Variants in WDR25 observed in about 807,000 individuals in gnomAD.
The protein encoded by WDR25 is WD repeat-containing protein 25.
WDR25 carries 35 observed loss-of-function variants against 47.7 expected under a neutral mutation model. The observed-to-expected ratio is 0.73, with a 90% confidence interval of 0.56 to 0.97. The LOEUF (loss-of-function observed/expected upper bound fraction) is 0.97. WDR25 is among the 50% of genes least tolerant of loss of function. The pLI is 0.00. For missense variants in WDR25, 634 were observed against 704.7 expected (o/e 0.90, Z 1.14); for synonymous variants, 248 against 278.9 (o/e 0.89, Z 1.10).
chr14:100,501,843 A>G (rs73351025), intron 4 of WDR25, among the ~76,000 whole-genome samples: 20,818 of 152,146 alleles, frequency 0.14, 4,526 homozygotes, highest in African/African-American at 0.46. Flanking sequence ...GGGCTCACAA[A>G]GGCCATTTGG....
At chr14:100,412,822 G>A (rs1396759197) in intron 2 of WDR25, among the ~76,000 whole-genome samples, 1 of 152,194 alleles carries the variant, frequency 6.6e-6, no homozygotes, top group African/African-American at 2.4e-5. Context: ...ATGGAAAGCT[G>A]CTGAATGGTT....
chr14:100,516,217 T>C (rs1901492127), intron 4 of WDR25, among the ~76,000 whole-genome samples: 1 of 152,216 alleles, frequency 6.6e-6, no homozygotes, highest in Admixed American at 6.5e-5. Flanking sequence ...AAACAGCCTT[T>C]AGACTAGGGC....
intron 3 of WDR25, among the ~76,000 whole-genome samples, chr14:100,482,036 A>C (rs964522331): frequency 1.3e-5 from 2 of 152,162 alleles, no homozygotes; most frequent in African/African-American, 4.8e-5. Flanking sequence ...TACAAATTGA[A>C]ATGTCTGCAC....
intron 4 of WDR25, among the ~76,000 whole-genome samples, chr14:100,501,309 C>A (rs1461096707): frequency 6.6e-6 from 1 of 152,112 alleles, no homozygotes; most frequent in African/African-American, 2.4e-5. Context: ...AATAAATGCT[C>A]CTGGCCATCT....
Position 100,468,194 on chromosome 14 carries a change from A to G in WDR25, c.970+26A>G. ...GTGCGTTTCTTGTGTCACCTCCCTG[A>G]GGTGAGCTGGCAGCTCTCTCCCTGG... On this transcript the variant is annotated intron_variant, in intron 3 of 6. Coordinates refer to ENST00000402312, the MANE Select transcript of WDR25 (RefSeq NM_001161476.3). The surrounding 1 kb of genome is among the most constrained non-coding windows in gnomAD (Gnocchi z 4.5). 6.3e-7 allele frequency: 1 copy of G among 1,599,506 alleles called. No individual in the cohort carries two copies. The highest frequency in any genetic ancestry group is 8.5e-7 in the Non-Finnish European group (1 of 1,171,752).
At chr14:100,459,628 A>G (rs907505202) in intron 2 of WDR25, among the ~76,000 whole-genome samples, 7 of 151,848 alleles carry the variant, frequency 4.6e-5, no homozygotes, top group African/African-American at 1.7e-4. Context: ...ATGCATATCT[A>G]TCTCCGAATC....
Position 100,428,705 on chromosome 14 carries a change from T to G in WDR25, c.823-39316T>G, listed in dbSNP as rs78530026. 1.5e-3 allele frequency among the ~76,000 whole-genome samples: 230 copies of G among 152,354 alleles called. 3 individuals carry two copies. The East Asian group carries it at 0.037, about 25-fold the overall frequency. ...CCTGTGAGGAGCCATTTCACTTCTTTCTTCAAGTGGATGTATTTTTGAACA... is the reference window on the plus strand; with the variant it reads ...CCTGTGAGGAGCCATTTCACTTCTTGCTTCAAGTGGATGTATTTTTGAACA... On this transcript the variant is annotated intron_variant, in intron 2 of 6. Transcript: ENST00000402312. The surrounding 1 kb of genome is among the most constrained non-coding windows in gnomAD (Gnocchi z 4.3).
At chr14:100,482,364 G>T (rs999965781) in intron 3 of WDR25, among the ~76,000 whole-genome samples, 1 of 152,078 alleles carries the variant, frequency 6.6e-6, no homozygotes, top group African/African-American at 2.4e-5. Context: ...CTTAATAAGG[G>T]TATATTAAAA....
chr14:100,524,658 CT>C (rs1410966984), intron 4 of WDR25, among the ~76,000 whole-genome samples: 1 of 152,134 alleles, frequency 6.6e-6, no homozygotes, highest in African/African-American at 2.4e-5. Context: ...GTTGCCTACC[CT>C]CCCCCAGGAA....
chr14:100,483,954 T>G lies in WDR25; in HGVS notation c.971-40T>G, dbSNP rs368819200. The stretch of plus-strand genomic sequence containing the variant: ...GTTTTAAGATATTTGTTTTGTGACC[T>G]AAGTACTTTCTAACCCTCTCTTCTC... On this transcript the variant is annotated intron_variant, in intron 3 of 6. Transcript: ENST00000402312. 19 of 1,582,856 alleles carry G rather than the reference T, an allele frequency of 1.2e-5. No individual in the cohort carries two copies. The African/African-American group carries it at 2.6e-4, about 22-fold the overall frequency.
chr14:100,459,937 T>TATAC (rs1217387004), intron 2 of WDR25, among the ~76,000 whole-genome samples: 2 of 97,712 alleles, frequency 2.0e-5, no homozygotes, highest in Non-Finnish European at 4.0e-5. Context: ...TATATATATA[T>TATAC]ATACACATAC....
chr14:100,484,460 ATTGGT>A (rs1427119925), intron 4 of WDR25, among the ~76,000 whole-genome samples: 1 of 119,240 alleles, frequency 8.4e-6, no homozygotes, highest in African/African-American at 4.1e-5. Context: ...GGTACAGAGA[ATTGGT>A]GTGTGTGTGT....
intron 3 of WDR25, among the ~76,000 whole-genome samples, chr14:100,471,817 G>A (rs1259563340): frequency 6.6e-6 from 1 of 152,232 alleles, no homozygotes; most frequent in Non-Finnish European, 1.5e-5. Context: ...CTGACAGGTT[G>A]TTGGCTTATA....
intron 2 of WDR25, among the ~76,000 whole-genome samples, chr14:100,394,405 C>T (rs1447825395): frequency 6.6e-6 from 1 of 152,192 alleles, no homozygotes. Flanking sequence ...CTGTGAATTC[C>T]TCGGGCCTTG....
rs1428697559 is a variant in WDR25, at chr14:100,529,651, G to A, written c.1414-169G>A. ...CCTTGGGATGTGGGCCCGCATCAGG[G>A]CTCTACAGCCTCATGGGCGGGACCT... On this transcript the variant is annotated intron_variant, in intron 6 of 6. Transcript: ENST00000402312. This position sits in a 1 kb window ranked among gnomAD's most constrained non-coding sequence, Gnocchi z 5.1. 2 of 733,892 alleles carry A rather than the reference G, an allele frequency of 2.7e-6. No individual in the cohort carries two copies. The highest frequency in any genetic ancestry group is 4.4e-6 in the Non-Finnish European group (2 of 456,742). 45.5% of individuals were successfully genotyped at this position (733,892 alleles called of 1,614,324 possible).
chr14:100,417,756 C>T (rs1026237260), intron 2 of WDR25, among the ~76,000 whole-genome samples: 2 of 152,204 alleles, frequency 1.3e-5, no homozygotes, highest in African/African-American at 2.4e-5. Flanking sequence ...AGACACAGGG[C>T]TGACATCGCA....
At chr14:100,383,880 C>T (rs1421956349) in intron 2 of WDR25, among the ~76,000 whole-genome samples, 1 of 152,196 alleles carries the variant, frequency 6.6e-6, no homozygotes, top group Non-Finnish European at 1.5e-5. Flanking sequence ...GCGCAGTGGG[C>T]CCAGCTTGGA....
intron 2 of WDR25, among the ~76,000 whole-genome samples, chr14:100,450,605 C>T (rs778295693): frequency 6.6e-6 from 1 of 152,172 alleles, no homozygotes; most frequent in East Asian, 1.9e-4. Flanking sequence ...CTCTCTTTGC[C>T]CATCTGTAAA....
At chr14:100,422,557 C>T (rs1898055469) in intron 2 of WDR25, among the ~76,000 whole-genome samples, 5 of 152,154 alleles carry the variant, frequency 3.3e-5, no homozygotes, top group Non-Finnish European at 5.9e-5. Context: ...CCTTGTACAC[C>T]CCTGTGAAAG....
Sources: gnomAD v4.1 joint callset for allele counts (sites outside exome capture counted in the v4.1 genomes callset) on GRCh38, gnomAD v4.1.1 for gene constraint, Gnocchi (gnomAD v3.1) non-coding constraint, MANE v1.5 for transcripts, NCBI Gene and HGNC (gene_info 2026-07-23, HGNC 2026-07-21) for gene names.